The following PEX5 variants were observed in gnomAD, a reference collection of about 807,000 sequenced individuals.
PEX5 encodes PTS1 receptor.
A neutral mutation model predicts 82.9 loss-of-function variants in PEX5; 52 were observed. That is an observed-to-expected ratio of 0.63 (90% CI 0.50 to 0.79). PEX5 has a LOEUF of 0.79. Among genes scored for constraint, PEX5 ranks in the 30% least tolerant of loss-of-function variants. PEX5 has a pLI of 0.00. For missense variants in PEX5, 719 were observed against 815.2 expected, an observed-to-expected ratio of 0.88 and a Z score of 1.44; for synonymous variants, 300 against 318.8, an observed-to-expected ratio of 0.94 and a Z score of 0.63.
chr12:7,215,150 GAA>G (rs1240359187), downstream of PEX5, among the ~76,000 whole-genome samples: 1 of 152,028 alleles, frequency 6.6e-6, no homozygotes, highest in Non-Finnish European at 1.5e-5. Flanking sequence ...ACAAATAAAT[GAA>G]AAAATGCTCA....
chr12:7,199,124 A>T lies in PEX5; in HGVS notation c.551+11A>T. On this transcript the variant is annotated intron_variant, in intron 6 of 15. Coordinates refer to ENST00000675855, the MANE Select transcript of PEX5 (RefSeq NM_001351132.2). ...AGCCACCGATCGCTGGTGAGTTCAG[A>T]TACCTCTTTCCGAATCCCGTGAAAG... The T allele has an allele frequency of 6.7e-7, 1 of 1,495,638 alleles. No individual in the cohort carries two copies. The highest frequency in any genetic ancestry group is 9.2e-7 in the Non-Finnish European group (1 of 1,085,020). 92.6% of individuals were successfully genotyped at this position (1,495,638 alleles called of 1,614,324 possible). A position where few individuals can be genotyped will look rare whatever the true frequency, so the allele number is the denominator to read the frequency against.
At chr12:7,201,417 A>G (rs1944016602) in intron 6 of PEX5, among the ~76,000 whole-genome samples, 2 of 152,180 alleles carry the variant, frequency 1.3e-5, no homozygotes, top group Admixed American at 6.5e-5. Context: ...AAATATATAT[A>G]TATTTTTCAA....
At chr12:7,209,560 G>A (rs1945255218) in intron 14 of PEX5, 123 bp from the exon 15 acceptor site, 1 of 261,292 alleles carries the variant, frequency 3.8e-6, no homozygotes, top group South Asian at 3.6e-5. Context: ...GACGAAACAT[G>A]TTAGCTAACA....
chr12:7,217,327 ATAAT>A (rs1945807516), intron 17 of PEX5, among the ~76,000 whole-genome samples: 1 of 152,228 alleles, frequency 6.6e-6, no homozygotes. Flanking sequence ...TAAAACAACA[ATAAT>A]TAATTATCTC....
chr12:7,202,817 A>T, intron 9 of PEX5, 113 bp downstream of exon 9: 1 of 837,610 alleles, frequency 1.2e-6, no homozygotes, highest in Non-Finnish European at 2.0e-6. Flanking sequence ...GACCTGGATC[A>T]TCTGTGTCAG....
intron 6 of PEX5, among the ~76,000 whole-genome samples, chr12:7,201,108 AAACC>A (rs1273021852): frequency 6.6e-6 from 1 of 151,768 alleles, no homozygotes; most frequent in Non-Finnish European, 1.5e-5. Flanking sequence ...TGTCTTTAAA[AAACC>A]AAAAGCGCAT....
chr12:7,216,496 G>C (rs570784700), intron 17 of PEX5, among the ~76,000 whole-genome samples: 1 of 152,084 alleles, frequency 6.6e-6, no homozygotes, highest in Non-Finnish European at 1.5e-5. Flanking sequence ...TAGAACTATT[G>C]TATGTCCAAA....
At chr12:7,202,568 A>G (rs1191709043) in intron 8 of PEX5, 44 bp from the exon 9 acceptor site, 1 of 1,543,778 alleles carries the variant, frequency 6.5e-7, no homozygotes, top group Admixed American at 1.7e-5. Context: ...TCTGATGGAT[A>G]GAAAGTTGGT....
intron 5 of PEX5, among the ~76,000 whole-genome samples, chr12:7,193,533 C>T (rs906899129): frequency 3.3e-5 from 5 of 152,104 alleles, no homozygotes; most frequent in Admixed American, 2.0e-4. Context: ...CGCGCCCTCA[C>T]GTTGAGATTC....
intron 8 of PEX5, 81 bp from the exon 9 acceptor site, chr12:7,202,531 T>C: frequency 7.2e-7 from 1 of 1,392,542 alleles, no homozygotes; most frequent in Non-Finnish European, 1.0e-6. Context: ...CCCAGGTTGG[T>C]GGTGGTTAGT....
At chr12:7,192,717 CT>C (rs1316435233) in intron 5 of PEX5, among the ~76,000 whole-genome samples, 2 of 152,130 alleles carry the variant, frequency 1.3e-5, no homozygotes, top group Non-Finnish European at 2.9e-5. Flanking sequence ...ATTAAAGGGA[CT>C]GAATTGGTTT....
intron 7 of PEX5, 123 bp from the exon 8 acceptor site, chr12:7,202,118 A>G (rs758955934): frequency 8.0e-5 from 118 of 1,470,022 alleles, no homozygotes; most frequent in Non-Finnish European, 1.1e-4. Flanking sequence ...GGTCTTTAGC[A>G]TATCTTGTCT....
chr12:7,207,777 T>C lies in PEX5; in HGVS notation c.1085T>C (p.Val362Ala). 1 of 1,614,150 alleles carries C rather than the reference T, an allele frequency of 6.2e-7. No individual in the cohort carries two copies. ...GCTGTGCTGCTTTTTGAGGCAGCTGTGCAGCAGGATCCTAAGCACATGGAA... is the reference window on the plus strand; with the variant it reads ...GCTGTGCTGCTTTTTGAGGCAGCTGCGCAGCAGGATCCTAAGCACATGGAA... ...PNAVLLFEAA[V>A]QQDPKHMEAW... is the part of the protein sequence containing the mutation. The change falls in exon 11 of 16, where the codon GTG becomes GCG. Residue 362 changes from valine (V) to alanine (A), a missense_variant. Val to Ala is a moderately conservative substitution (Grantham distance 64). Transcript: ENST00000675855.
chr12:7,202,373 G>C, intron 8 of PEX5, 22 bp downstream of exon 8: 1 of 1,613,846 alleles, frequency 6.2e-7, no homozygotes, highest in Non-Finnish European at 8.5e-7. Flanking sequence ...TCACTTTCCA[G>C]TCCCACTTCA....
intron 6 of PEX5, among the ~76,000 whole-genome samples, chr12:7,201,148 CGCACACACATATATACACACATACACAT>C (rs148997774): frequency 8.1e-5 from 4 of 49,518 alleles, no homozygotes; most frequent in East Asian, 9.7e-4. Context: ...CACACACACA[CGCACACACATATATACACACATACACAT>C]ATGTACACAC....
rs1565689060 is a variant in PEX5, at chr12:7,197,442, A to ATATATGTCATATACAATGTAAT, written c.449-1568_449-1567insATATGTCATATACAATGTAATT. Among the ~76,000 whole-genome samples, 13 of 114,926 alleles carry ATATATGTCATATACAATGTAAT rather than the reference A, an allele frequency of 1.1e-4. 2 individuals carry two copies. The highest frequency in any genetic ancestry group is 3.3e-4 in the African/African-American group (11 of 33,018). The allele number at this position is 114,926 out of a possible 152,430, so 75.4% of individuals were successfully genotyped here. On this transcript the variant is annotated intron_variant, in intron 5 of 15. Transcript: ENST00000675855. ...ATTATATGTCATATACAATGTAATT[A>ATATATGTCATATACAATGTAAT]TGTTATATATAATGTAATAATTATA...
Position 7,210,324 on chromosome 12 carries a change from AC to A in PEX5, c.*103del. 1.8e-6 allele frequency: 2 copies of A among 1,112,130 alleles called. No individual in the cohort carries two copies. Among genetic ancestry groups the A allele is most frequent in the Non-Finnish European group, 2.7e-6 (2 of 736,284 alleles). 68.9% of individuals were successfully genotyped at this position (1,112,130 alleles called of 1,614,324 possible). ...GGCCTACCAAGGGGGCGGGCTGATG[AC>A]CATAAGCGGTACGGCCTTTCAGGAG... On this transcript the variant is annotated 3_prime_UTR_variant, in exon 16 of 16. Transcript: ENST00000675855.
chr12:7,198,012 TTG>T (rs71706961), intron 5 of PEX5, among the ~76,000 whole-genome samples: 152,098 of 152,098 alleles, frequency 1, 76,049 homozygotes, highest in Non-Finnish European at 1. Context: ...CTTTGTTTCC[TTG>T]TGTTCTTTAG....
In PEX5 at chr12:7,202,601, T is replaced by G; in HGVS notation, c.754-11T>G. The G allele has an allele frequency of 3.1e-6, 5 of 1,613,152 alleles. No individual in the cohort carries two copies. Among genetic ancestry groups the G allele is most frequent in the Non-Finnish European group, 4.2e-6 (5 of 1,179,122 alleles). ...GGTGGTAGTGGTACTGACCATCCTT[T>G]TTTGTCGCAGGGTACATCAGATGCC... On this transcript the variant is annotated splice_polypyrimidine_tract_variant and intron_variant, in intron 8 of 15. Transcript: ENST00000675855.
Sources: allele counts gnomAD v4.1 joint callset (sites outside exome capture counted in the v4.1 genomes callset), GRCh38; gene constraint gnomAD v4.1.1; transcripts MANE v1.5; gene names NCBI Gene and HGNC (gene_info 2026-07-23, HGNC 2026-07-21).